Variants in FARP1 observed in about 807,000 individuals in gnomAD.
FARP1 encodes the protein FERM, ARHGEF and pleckstrin domain-containing protein 1.
Under a neutral mutation model 128.8 loss-of-function variants are expected in FARP1, and 52 were observed. The observed-to-expected ratio is 0.40, with a 90% confidence interval of 0.32 to 0.51. The LOEUF (loss-of-function observed/expected upper bound fraction) is 0.51, where lower values mean the gene tolerates loss of function less well. Among genes scored for constraint, FARP1 ranks in the 20% least tolerant of loss-of-function variants. The pLI is 0.45. For missense variants in FARP1, 1,333 were observed against 1,367.9 expected (o/e 0.97, Z 0.40); for synonymous variants, 580 against 551.8 (o/e 1.05, Z -0.72).
chr13:98,206,630 G>GT (rs1489955911), intron 1 of FARP1, among the ~76,000 whole-genome samples: 1 of 152,122 alleles, frequency 6.6e-6, no homozygotes, highest in East Asian at 1.9e-4. Context: ...GTGTTTTTTA[G>GT]TTTACTGCTT....
intron 1 of FARP1, among the ~76,000 whole-genome samples, chr13:98,183,248 A>G (rs1349776997): frequency 6.6e-6 from 1 of 151,698 alleles, no homozygotes; most frequent in Non-Finnish European, 1.5e-5. Context: ...ACTATGTTTT[A>G]CTGTAGTTGT....
At chr13:98,420,262 G>T (rs1206893118) in intron 16 of FARP1, among the ~76,000 whole-genome samples, 2 of 152,198 alleles carry the variant, frequency 1.3e-5, no homozygotes, top group African/African-American at 2.4e-5. Context: ...GCCCACAAAA[G>T]TGTTTCCTGG....
chr13:98,386,185 TC>T (rs1452107608), intron 8 of FARP1, among the ~76,000 whole-genome samples: 159 of 132,148 alleles, frequency 1.2e-3, no homozygotes, highest in Middle Eastern at 4.0e-3. Flanking sequence ...TGTAATGTGA[TC>T]CTTTTTTTTT....
At chr13:98,255,357 C>T (rs1475059640) in intron 2 of FARP1, among the ~76,000 whole-genome samples, 2 of 152,054 alleles carry the variant, frequency 1.3e-5, no homozygotes, top group African/African-American at 2.4e-5. Context: ...AAAAAATAGC[C>T]GGGCATGGTG....
intron 2 of FARP1, among the ~76,000 whole-genome samples, chr13:98,330,631 T>C (rs1235596109): frequency 6.6e-6 from 1 of 152,006 alleles, no homozygotes; most frequent in Non-Finnish European, 1.5e-5. Context: ...GGCAGGCGCC[T>C]GTAATCCCAG....
At chr13:98,286,818 T>C (rs987670979) in intron 2 of FARP1, among the ~76,000 whole-genome samples, 1 of 152,208 alleles carries the variant, frequency 6.6e-6, no homozygotes, top group Non-Finnish European at 1.5e-5. Context: ...TTAGCTTTTA[T>C]AAATAAAAAG....
At chr13:98,447,792 C>G (rs9556958) in intron 26 of FARP1, 1 of 161,776 alleles carries the variant, frequency 6.2e-6, no homozygotes, top group South Asian at 1.7e-4. Context: ...CTACAGTGGG[C>G]GATAACTGCA....
chr13:98,378,565 A>G (rs891185696), intron 6 of FARP1, among the ~76,000 whole-genome samples: 3 of 152,204 alleles, frequency 2.0e-5, no homozygotes, highest in African/African-American at 7.2e-5. Flanking sequence ...ATGTATAATA[A>G]GCACTACTAT....
chr13:98,318,962 T>G (rs1207032819), intron 2 of FARP1, among the ~76,000 whole-genome samples: 33 of 143,536 alleles, frequency 2.3e-4, no homozygotes, highest in South Asian at 8.8e-4. Context: ...TTTTTTTTTT[T>G]TTTTTTTGTT....
intron 2 of FARP1, among the ~76,000 whole-genome samples, chr13:98,248,849 CT>C (rs1318459607): frequency 6.6e-6 from 1 of 151,928 alleles, no homozygotes; most frequent in Non-Finnish European, 1.5e-5. Context: ...TAAAATGGCT[CT>C]GAAGTGTAGT....
In FARP1 at chr13:98,323,538, C is replaced by T. The variant is rs577141916; in HGVS notation, c.172-20224C>T. Among the ~76,000 whole-genome samples the T allele has an allele frequency of 2.6e-5, 4 of 151,892 alleles. No homozygotes were observed. The East Asian group carries it at 7.7e-4, about 29-fold the overall frequency. Reference sequence around the variant, plus strand: ...TTTATGTCTGTTAAATATTTTTAGCCTGCTCCTAACACATGAAAATATTAC... The same window carrying T: ...TTTATGTCTGTTAAATATTTTTAGCTTGCTCCTAACACATGAAAATATTAC... On this transcript the variant is annotated intron_variant, in intron 2 of 26. Coordinates refer to ENST00000319562, the MANE Select transcript of FARP1 (RefSeq NM_005766.4).
intron 2 of FARP1, among the ~76,000 whole-genome samples, chr13:98,218,003 C>G (rs990225718): frequency 1.3e-5 from 2 of 152,064 alleles, no homozygotes; most frequent in African/African-American, 2.4e-5. Context: ...GAGTCCGGCC[C>G]GCCAGACCCT....
chr13:98,191,958 G>T (rs571337187), intron 1 of FARP1, among the ~76,000 whole-genome samples: 2 of 152,082 alleles, frequency 1.3e-5, no homozygotes, highest in African/African-American at 2.4e-5. Context: ...AATTAAATAC[G>T]TAAGTAAATA....
chr13:98,285,934 G>A (rs1885145327), intron 2 of FARP1, among the ~76,000 whole-genome samples: 1 of 152,038 alleles, frequency 6.6e-6, no homozygotes, highest in Non-Finnish European at 1.5e-5. Context: ...CCCGTTTGGG[G>A]GTCCCCTGTG....
chr13:98,410,378 G>A (rs1263104946), intron 14 of FARP1, among the ~76,000 whole-genome samples: 1 of 152,284 alleles, frequency 6.6e-6, no homozygotes, highest in Middle Eastern at 3.4e-3. Context: ...GACATAGGAC[G>A]AGACAGTTCC....
At chr13:98,237,825 A>T (rs933492432) in intron 2 of FARP1, among the ~76,000 whole-genome samples, 1 of 150,058 alleles carries the variant, frequency 6.7e-6, no homozygotes, top group Non-Finnish European at 1.5e-5. Flanking sequence ...CATAAGGACC[A>T]TTTTTTTTTT....
intron 2 of FARP1, among the ~76,000 whole-genome samples, chr13:98,277,868 G>A (rs1222557899): frequency 1.3e-5 from 2 of 152,170 alleles, no homozygotes; most frequent in Admixed American, 1.3e-4. Flanking sequence ...CAATTGGTTG[G>A]GCGGGGGCCT....
chr13:98,439,139 G>A lies in FARP1; in HGVS notation c.2376G>A (p.Gly792=), dbSNP rs754220937. 1.2e-5 allele frequency: 19 copies of A among 1,613,980 alleles called. No individual in the cohort carries two copies. Among genetic ancestry groups the A allele is most frequent in the East Asian group, 2.2e-5 (1 of 44,876 alleles). The change falls in exon 21 of 27, where the codon GGG becomes GGA. Residue 792 remains glycine, a synonymous_variant. Transcript: ENST00000319562. ...FNDVLLYTSR[G]LTASNQFKVH... The stretch of plus-strand genomic sequence containing the variant: ...ACGTCCTGCTATACACGAGCCGGGG[G>A]CTGACGGCCTCCAATCAGTTTAAAG...
At chr13:98,149,014 G>T (rs1875779507) in intron 1 of FARP1, among the ~76,000 whole-genome samples, 1 of 151,850 alleles carries the variant, frequency 6.6e-6, no homozygotes, top group South Asian at 2.1e-4. Context: ...GGCCTCCCAA[G>T]TAGCTGGAAC....
Sources: allele counts gnomAD v4.1 joint callset (sites outside exome capture counted in the v4.1 genomes callset), GRCh38; gene constraint gnomAD v4.1.1; transcripts MANE v1.5; gene names NCBI Gene and HGNC (gene_info 2026-07-23, HGNC 2026-07-21).